Variants in ADAMTSL1 observed in about 807,000 individuals in gnomAD.
ADAMTSL1 encodes ADAMTS like 1, also known as ADAMTS-like protein 1.
Under a neutral mutation model 201.8 loss-of-function variants are expected in ADAMTSL1, and 126 were observed. That is an observed-to-expected ratio of 0.62 (90% CI 0.54 to 0.72). The LOEUF (loss-of-function observed/expected upper bound fraction) is 0.72, where lower values mean the gene tolerates loss of function less well. ADAMTSL1 is among the 30% of genes least tolerant of loss of function. ADAMTSL1 has a pLI of 0.00. For missense variants in ADAMTSL1, 2,679 were observed against 2,277.8 expected (o/e 1.18, Z -3.59); for synonymous variants, 1,121 against 903.4 (o/e 1.24, Z -4.32).
At chr9:18,406,002 C>G (rs1818176481) in intron 2 of ADAMTSL1, among the ~76,000 whole-genome samples, 1 of 152,168 alleles carries the variant, frequency 6.6e-6, no homozygotes, top group Non-Finnish European at 1.5e-5. Context: ...CTTAGCTCTT[C>G]TTGAGAATGT....
rs537474612 is a variant in ADAMTSL1 at position 18,603,057 on chromosome 9, A to C, written c.475-19186A>C. On this transcript the variant is annotated intron_variant, in intron 4 of 28. Transcript: ENST00000380548. ...GAAGAACATCAGAAAATAATATTTT[A>C]AAACACCAACTAACATCCACTTACT... Among the ~76,000 whole-genome samples the C allele has an allele frequency of 7.2e-5, 11 of 152,354 alleles. No individual in the cohort carries two copies. The East Asian group carries it at 2.1e-3, about 29-fold the overall frequency.
intron 1 of ADAMTSL1, among the ~76,000 whole-genome samples, chr9:18,502,207 C>T (rs188925736): frequency 1.4e-4 from 21 of 152,238 alleles, no homozygotes; most frequent in East Asian, 3.9e-4. Flanking sequence ...GTTGTAGTAA[C>T]GGATAGCATC....
chr9:18,808,957 C>G (rs932320587), intron 20 of ADAMTSL1, among the ~76,000 whole-genome samples: 1 of 149,358 alleles, frequency 6.7e-6, no homozygotes. Flanking sequence ...CCAAAAAATC[C>G]AGATAATGCA....
chr9:18,895,657 C>A (rs904417930), intron 26 of ADAMTSL1, among the ~76,000 whole-genome samples: 1 of 98,068 alleles, frequency 1.0e-5, no homozygotes, highest in Admixed American at 9.1e-5. Context: ...CCCATACACA[C>A]CACATAAAAG....
chr9:17,963,516 G>T (rs556933272), intron 1 of ADAMTSL1, among the ~76,000 whole-genome samples: 42 of 152,212 alleles, frequency 2.8e-4, no homozygotes, highest in African/African-American at 9.1e-4. Context: ...ACAGTATTCC[G>T]TATGAAAAAC....
intron 4 of ADAMTSL1, among the ~76,000 whole-genome samples, chr9:18,613,255 CT>C (rs541533195): frequency 3.3e-4 from 50 of 152,286 alleles, no homozygotes; most frequent in African/African-American, 1.2e-3. Context: ...CACTTATACA[CT>C]GTTGGTGGGA....
At chr9:18,613,762 GA>G (rs915827547) in intron 4 of ADAMTSL1, among the ~76,000 whole-genome samples, 4 of 152,038 alleles carry the variant, frequency 2.6e-5, no homozygotes, top group African/African-American at 7.2e-5. Context: ...GACAGGATCA[GA>G]AAAAAACTAT....
rs138794942 is a variant in ADAMTSL1, at chr9:18,486,372, C to T, written c.63+12077C>T. Among the ~76,000 whole-genome samples, 166 of 152,328 alleles carry T rather than the reference C, an allele frequency of 1.1e-3. 1 individual carries two copies. Among genetic ancestry groups the T allele is most frequent in the African/African-American group, 3.8e-3 (160 of 41,584 alleles). Reference sequence around the variant, plus strand: ...GTTGTGACTTAACCCTTTATTCACTCTCAGCGAGCTTTTAAAAATAGAGGC... The same window carrying T: ...GTTGTGACTTAACCCTTTATTCACTTTCAGCGAGCTTTTAAAAATAGAGGC... On this transcript the variant is annotated intron_variant, in intron 1 of 28. Coordinates refer to ENST00000380548, the MANE Select transcript of ADAMTSL1 (RefSeq NM_001040272.6).
chr9:18,790,719 A>G (rs1821981332), intron 19 of ADAMTSL1, among the ~76,000 whole-genome samples: 1 of 152,218 alleles, frequency 6.6e-6, no homozygotes, highest in African/African-American at 2.4e-5. Flanking sequence ...ATATTGTCAC[A>G]TAGAAGCTTA....
At chr9:18,165,862 C>T (rs536645504) in intron 2 of ADAMTSL1, among the ~76,000 whole-genome samples, 2 of 151,814 alleles carry the variant, frequency 1.3e-5, no homozygotes, top group Non-Finnish European at 2.9e-5. Context: ...GAAGATGAAT[C>T]GCCGTAATCT....
chr9:17,914,810 C>A (rs531702901), intron 1 of ADAMTSL1, among the ~76,000 whole-genome samples: 1 of 151,038 alleles, frequency 6.6e-6, no homozygotes, highest in African/African-American at 2.5e-5. Context: ...AGCTGATAAG[C>A]AACTTCAGCA....
intron 1 of ADAMTSL1, among the ~76,000 whole-genome samples, chr9:18,477,070 G>A (rs1472894944): frequency 6.6e-6 from 1 of 152,140 alleles, no homozygotes; most frequent in Non-Finnish European, 1.5e-5. Flanking sequence ...TGATATTCAG[G>A]TGAAATTAAG....
chr9:18,072,307 G>A (rs1308298804), intron 1 of ADAMTSL1, among the ~76,000 whole-genome samples: 1 of 152,158 alleles, frequency 6.6e-6, no homozygotes, highest in Admixed American at 6.5e-5. Flanking sequence ...TGCTGAGGGT[G>A]CAGCAACAGG....
intron 1 of ADAMTSL1, among the ~76,000 whole-genome samples, chr9:18,088,390 A>T (rs1823859659): frequency 6.6e-6 from 1 of 152,186 alleles, no homozygotes; most frequent in African/African-American, 2.4e-5. Context: ...GCAAAATTAG[A>T]CAAGTCACAC....
chr9:18,750,311 C>G (rs369313129), intron 15 of ADAMTSL1, among the ~76,000 whole-genome samples: 43 of 152,262 alleles, frequency 2.8e-4, no homozygotes, highest in African/African-American at 8.9e-4. Context: ...CCGAGGGTAA[C>G]CAATGTTCTG....
intron 1 of ADAMTSL1, among the ~76,000 whole-genome samples, chr9:17,916,156 A>G (rs1236983582): frequency 6.6e-6 from 1 of 152,224 alleles, no homozygotes; most frequent in South Asian, 2.1e-4. Context: ...CCAGGCCTCA[A>G]GTGGTCTGCT....
At chr9:18,440,726 G>A (rs1819960004) in intron 2 of ADAMTSL1, among the ~76,000 whole-genome samples, 2 of 151,672 alleles carry the variant, frequency 1.3e-5, no homozygotes. Flanking sequence ...TCATATTTAA[G>A]GGCCATTTAC....
Position 18,098,806 on chromosome 9 carries a change from CCA to C in ADAMTSL1, c.88-65055_88-65054del, listed in dbSNP as rs1439921011. 2.6e-5 allele frequency among the ~76,000 whole-genome samples: 4 copies of C among 152,272 alleles called. No homozygotes were observed. In the East Asian group the frequency reaches 7.7e-4, roughly 29 times the overall value. ...CAATTCACCTACTTTGAATTCTGAT[CCA>C]TGCATTGTAATCTCATCAGGACCAC... On this transcript the variant is annotated intron_variant, in intron 1 of 29. Transcript: ENST00000680146.
chr9:18,745,353 T>TA (rs1435499398), intron 15 of ADAMTSL1, among the ~76,000 whole-genome samples: 1 of 152,224 alleles, frequency 6.6e-6, no homozygotes, highest in Non-Finnish European at 1.5e-5. Context: ...GATTAAAATA[T>TA]ATTACTATCA....
Sources: allele counts gnomAD v4.1 joint callset (sites outside exome capture counted in the v4.1 genomes callset), GRCh38; gene constraint gnomAD v4.1.1; transcripts MANE v1.5; gene names NCBI Gene and HGNC (gene_info 2026-07-23, HGNC 2026-07-21).